LRRC20: variants seen among roughly 807,000 people sequenced by gnomAD.
The protein encoded by LRRC20 is leucine-rich repeat-containing protein 20.
In LRRC20, 11 loss-of-function variants were observed where a neutral mutation model predicts 14.4. The observed-to-expected ratio is 0.77, with a 90% CI of 0.48 to 1.27. The LOEUF (loss-of-function observed/expected upper bound fraction) is 1.27, where lower values mean the gene tolerates loss of function less well. Among genes scored for constraint, LRRC20 ranks in the 50% most tolerant of loss-of-function variants. The pLI, the probability that LRRC20 is intolerant of heterozygous loss-of-function variation, is 0.00. For missense variants in LRRC20, 219 were observed against 251.2 expected (o/e 0.87, Z 0.87); for synonymous variants, 121 against 107.3 (o/e 1.13, Z -0.79).
chr10:70,347,908 C>T (rs1031690664), intron 2 of LRRC20, among the ~76,000 whole-genome samples: 1 of 152,074 alleles, frequency 6.6e-6, no homozygotes, highest in Non-Finnish European at 1.5e-5. Context: ...ACTGACACAC[C>T]GCAAGGCCAC....
At chr10:70,332,557 T>C (rs1167903239) in intron 3 of LRRC20, among the ~76,000 whole-genome samples, 2 of 152,142 alleles carry the variant, frequency 1.3e-5, no homozygotes, top group Admixed American at 6.5e-5. Context: ...GGTGGAAAGA[T>C]CACTTGAGCC....
intron 4 of LRRC20, among the ~76,000 whole-genome samples, chr10:70,314,018 A>T (rs908777591): frequency 2.6e-5 from 4 of 152,240 alleles, no homozygotes; most frequent in Non-Finnish European, 4.4e-5. Context: ...GTAGCAGGCA[A>T]GACAGAATGA....
intron 4 of LRRC20, among the ~76,000 whole-genome samples, chr10:70,311,715 T>C (rs1173212733): frequency 1.3e-5 from 2 of 152,162 alleles, no homozygotes; most frequent in Non-Finnish European, 2.9e-5. Context: ...CAAGGCCTCA[T>C]GTCTTAGGTG....
At chr10:70,322,643 C>A (rs188632557) in intron 4 of LRRC20, among the ~76,000 whole-genome samples, 241 of 152,272 alleles carry the variant, frequency 1.6e-3, no homozygotes, top group Middle Eastern at 3.4e-3. Flanking sequence ...TAAGACTGAA[C>A]CACAGCCCAC....
intron 2 of LRRC20, among the ~76,000 whole-genome samples, chr10:70,374,704 G>A (rs117951887): frequency 0.018 from 2,760 of 152,222 alleles, 31 homozygotes; most frequent in Non-Finnish European, 0.028. Flanking sequence ...GATTTGCACT[G>A]AACCCTCCAT....
chr10:70,380,786 A>T (rs1844671299), intron 1 of LRRC20, among the ~76,000 whole-genome samples: 1 of 152,204 alleles, frequency 6.6e-6, no homozygotes, highest in Non-Finnish European at 1.5e-5. Context: ...AAATGTTTAA[A>T]TCCAGCAAAC....
rs1362160247 is a variant in LRRC20 at position 70,304,483 on chromosome 10, T to TATATATATATATATATATAC, written c.401-2976_401-2975insGTATATATATATATATATAT. Among the ~76,000 whole-genome samples the TATATATATATATATATATAC allele has an allele frequency of 2.3e-3, 154 of 67,424 alleles. 1 individual carries two copies. Among genetic ancestry groups the TATATATATATATATATATAC allele is most frequent in the Admixed American group, 3.2e-3 (26 of 8,130 alleles). The allele number at this position is 67,424 out of a possible 152,430, so 44.2% of individuals were successfully genotyped here. A position where few individuals can be genotyped will look rare whatever the true frequency, so the allele number is the denominator to read the frequency against. On this transcript the variant is annotated intron_variant, in intron 4 of 4. Coordinates refer to ENST00000446961, the MANE Select transcript of LRRC20 (RefSeq NM_001278212.2). Reference sequence around the variant, plus strand: ...CAGGCCACTTCTTTATATATATATATATATATATATATATATATATATATT... The same window carrying TATATATATATATATATATAC: ...CAGGCCACTTCTTTATATATATATATATATATATATATATATATACATATATATATATATATATATATATT...
intron 3 of LRRC20, among the ~76,000 whole-genome samples, chr10:70,336,263 C>T (rs569319788): frequency 7.9e-5 from 12 of 152,160 alleles, no homozygotes; most frequent in Admixed American, 1.3e-4. Context: ...ATTGAGTTGA[C>T]GGGCAGGGAT....
At chr10:70,319,063 T>G (rs1319539332) in intron 4 of LRRC20, among the ~76,000 whole-genome samples, 1 of 151,740 alleles carries the variant, frequency 6.6e-6, no homozygotes, top group African/African-American at 2.4e-5. Flanking sequence ...CACCTCGGCC[T>G]GCCAAAGTGC....
chr10:70,381,904 A>C (rs963544998), intron 1 of LRRC20: 13 of 152,244 alleles, frequency 8.5e-5, no homozygotes, highest in African/African-American at 2.9e-4. Context: ...GCATCCTCGG[A>C]CTGAGCCTCC....
At chr10:70,302,141 A>G (rs1841216585) in intron 4 of LRRC20, among the ~76,000 whole-genome samples, 3 of 152,002 alleles carry the variant, frequency 2.0e-5, no homozygotes, top group Admixed American at 6.6e-5. Flanking sequence ...GTGAAACCCC[A>G]TCTCTACTAA....
intron 1 of LRRC20, among the ~76,000 whole-genome samples, chr10:70,377,212 T>C (rs910269830): frequency 6.6e-6 from 1 of 152,126 alleles, no homozygotes; most frequent in East Asian, 1.9e-4. Context: ...GTTACAGTAC[T>C]AGCCTGCAGA....
intron 4 of LRRC20, among the ~76,000 whole-genome samples, chr10:70,306,709 A>T (rs1013008864): frequency 2.0e-5 from 3 of 152,172 alleles, no homozygotes; most frequent in African/African-American, 7.2e-5. Flanking sequence ...GTGGGGACAC[A>T]TCTTAAGAGC....
intron 3 of LRRC20, among the ~76,000 whole-genome samples, chr10:70,338,809 C>T (rs556289465): frequency 2.8e-4 from 42 of 152,190 alleles, no homozygotes; most frequent in Admixed American, 7.2e-4. Flanking sequence ...TACAGGTGTG[C>T]GCCACCACAC....
intron 4 of LRRC20, among the ~76,000 whole-genome samples, chr10:70,320,155 G>A (rs1385200829): frequency 6.6e-6 from 1 of 152,200 alleles, no homozygotes. Flanking sequence ...AATGTGGTTG[G>A]GGCATGAGCT....
At chr10:70,365,102 C>T (rs538673293) in intron 2 of LRRC20, among the ~76,000 whole-genome samples, 12 of 141,452 alleles carry the variant, frequency 8.5e-5, no homozygotes, top group South Asian at 4.4e-4. Context: ...CTCTGCCGCC[C>T]AGGCTGGAGT....
chr10:70,333,623 A>G (rs1842618888), intron 3 of LRRC20, among the ~76,000 whole-genome samples: 1 of 152,216 alleles, frequency 6.6e-6, no homozygotes, highest in Non-Finnish European at 1.5e-5. Flanking sequence ...AGGGGTCACA[A>G]ACAGTTTGGC....
chr10:70,308,472 C>T (rs1303087105), intron 4 of LRRC20, among the ~76,000 whole-genome samples: 1 of 152,170 alleles, frequency 6.6e-6, no homozygotes, highest in Non-Finnish European at 1.5e-5. Flanking sequence ...GTGACCTGGC[C>T]TCTCAGTTCC....
chr10:70,318,526 G>C (rs1039809447), intron 4 of LRRC20, among the ~76,000 whole-genome samples: 1 of 152,180 alleles, frequency 6.6e-6, no homozygotes, highest in African/African-American at 2.4e-5. Flanking sequence ...GGCCGAGGCG[G>C]GCAGATCGCT....
Sources: gnomAD v4.1 joint callset for allele counts (sites outside exome capture counted in the v4.1 genomes callset) on GRCh38, gnomAD v4.1.1 for gene constraint, MANE v1.5 for transcripts, NCBI Gene and HGNC (gene_info 2026-07-23, HGNC 2026-07-21) for gene names.